Variants in UAP1 observed in about 807,000 individuals in gnomAD.
UAP1 encodes the protein UDP-N-acetylglucosamine pyrophosphorylase 1.
Under a neutral mutation model 58.5 loss-of-function variants are expected in UAP1, and 25 were observed. The observed-to-expected ratio is 0.43, with a 90% CI of 0.31 to 0.60. The LOEUF (loss-of-function observed/expected upper bound fraction) is 0.60, where lower values mean the gene tolerates loss of function less well. Ranked by LOEUF, UAP1 falls within the 20% of genes least tolerant of loss-of-function variation. The probability of loss-of-function intolerance (pLI) is 0.11; values close to 1 mark genes in which losing one functional copy is unlikely to be tolerated. For synonymous variants in UAP1, 208 were observed against 213.0 expected (o/e 0.98, Z 0.21); for missense variants, 575 against 630.0 (o/e 0.91, Z 0.93).
chr1:162,571,123 T>A (rs1571058741), intron 2 of UAP1, among the ~76,000 whole-genome samples: 1 of 151,864 alleles, frequency 6.6e-6, no homozygotes, highest in East Asian at 1.9e-4. Context: ...ACTTCTGATT[T>A]TTTTGTTTGT....
chr1:162,575,747 C>G lies in UAP1; in HGVS notation c.281-1030C>G, dbSNP rs532289550. Among the ~76,000 whole-genome samples the G allele has an allele frequency of 1.4e-3, 205 of 151,646 alleles. 1 individual carries two copies. Among genetic ancestry groups the G allele is most frequent in the African/African-American group, 4.9e-3 (204 of 41,254 alleles). On this transcript the variant is annotated intron_variant, in intron 2 of 10. Transcript: ENST00000271469. ...TTTGAGTCTCGCTCTGTCACCCAGG[C>G]TGGAGTGCAGTGGCGCGATCTCGGC...
At chr1:162,570,143 C>T (rs77925770) in intron 2 of UAP1, among the ~76,000 whole-genome samples, 13,077 of 143,914 alleles carry the variant, frequency 0.091, 803 homozygotes, top group East Asian at 0.27. Context: ...AGCGAGACTC[C>T]GTCTCAAAAA....
chr1:162,585,036 C>T (rs745564277), intron 5 of UAP1, among the ~76,000 whole-genome samples: 1 of 152,200 alleles, frequency 6.6e-6, no homozygotes, highest in South Asian at 2.1e-4. Flanking sequence ...CCTGCTCAGC[C>T]TCCCAAGTAG....
chr1:162,566,528 G>C (rs1392230839), intron 2 of UAP1, among the ~76,000 whole-genome samples, 180 bp downstream of exon 2: 1 of 151,884 alleles, frequency 6.6e-6, no homozygotes, highest in African/African-American at 2.4e-5. Context: ...TCTCATTCAA[G>C]TCTTAATTTG....
intron 6 of UAP1, 168 bp downstream of exon 6, chr1:162,587,836 A>G: frequency 1.5e-6 from 1 of 678,150 alleles, no homozygotes; most frequent in Non-Finnish European, 2.4e-6. Context: ...TTTTAGTAAG[A>G]TGTATTGTAA....
intron 2 of UAP1, among the ~76,000 whole-genome samples, chr1:162,576,508 A>G (rs185584500): frequency 6.2e-4 from 95 of 152,302 alleles, no homozygotes; most frequent in African/African-American, 2.3e-3. Context: ...CCACGATTCT[A>G]TGTAGATTCT....
rs1313354117 is a variant in UAP1, at chr1:162,597,695, C to A, written c.1410-97C>A. Reference sequence around the variant, plus strand: ...CCATTTGTTTAACTGGAAGAATTATCTGCAAGCTTCTCAGAGGAAAGTTAT... The same window carrying A: ...CCATTTGTTTAACTGGAAGAATTATATGCAAGCTTCTCAGAGGAAAGTTAT... On this transcript the variant is annotated intron_variant, in intron 9 of 10. Transcript: ENST00000271469. 7.5e-6 allele frequency: 7 copies of A among 927,372 alleles called. No homozygotes were observed. In the East Asian group the frequency reaches 1.7e-4, roughly 23 times the overall value. The allele number at this position is 927,372 out of a possible 1,614,324, so 57.4% of individuals were successfully genotyped here.
At chr1:162,576,696 G>A (rs1654203020) in intron 2 of UAP1, 81 bp from the exon 3 acceptor site, 1 of 1,328,126 alleles carries the variant, frequency 7.5e-7, no homozygotes, top group Non-Finnish European at 1.1e-6. Context: ...TTTTTGATGA[G>A]TCTTTGCTGC....
chr1:162,572,718 C>G (rs758084694), intron 2 of UAP1, among the ~76,000 whole-genome samples: 6 of 152,170 alleles, frequency 3.9e-5, no homozygotes, highest in Non-Finnish European at 7.4e-5. Context: ...ATGCAAGTGT[C>G]CAGACAGGAG....
At chr1:162,582,340 G>C (rs76577375) in intron 5 of UAP1, among the ~76,000 whole-genome samples, 4,527 of 152,220 alleles carry the variant, frequency 0.03, 104 homozygotes, top group Non-Finnish European at 0.044. Context: ...AGGGAGGAAA[G>C]GGGGCCGAAG....
intron 7 of UAP1, among the ~76,000 whole-genome samples, chr1:162,589,670 G>A (rs1022856913): frequency 5.3e-5 from 8 of 152,054 alleles, no homozygotes; most frequent in African/African-American, 1.9e-4. Flanking sequence ...AAATGAGAAA[G>A]ACAAATAAGC....
intron 1 of UAP1, 36 bp from the exon 2 acceptor site, chr1:162,565,976 G>T (rs1653462985): frequency 7.2e-7 from 1 of 1,382,174 alleles, no homozygotes; most frequent in African/African-American, 1.5e-5. Context: ...TTGGAGGTTG[G>T]ATTTTGACAT....
In UAP1 at chr1:162,597,878, T is replaced by C. The variant is rs776946984; in HGVS notation, c.1476+20T>C. On this transcript the variant is annotated intron_variant, in intron 10 of 10. Coordinates refer to ENST00000271469, the Ensembl canonical transcript of UAP1. ...GGAGAAGTAAGTCTGCTTTACTTTT[T>C]CCTCTATTCTTTTACAAAGCTTTGT... 1.3e-6 allele frequency: 2 copies of C among 1,593,692 alleles called. No individual in the cohort carries two copies. The highest frequency in any genetic ancestry group is 2.3e-5 in the South Asian group (2 of 88,754).
chr1:162,587,650 T>A (rs747913288), exon 6 of UAP1: 1 of 1,613,026 alleles, frequency 6.2e-7, no homozygotes, highest in Non-Finnish European at 8.5e-7. Flanking sequence ...ACTGTACCAT[T>A]TCTGAGAGAT....
At chr1:162,572,943 T>G (rs1200381622) in intron 2 of UAP1, among the ~76,000 whole-genome samples, 1 of 152,158 alleles carries the variant, frequency 6.6e-6, no homozygotes, top group Admixed American at 6.5e-5. Context: ...ACCCATGGGT[T>G]TAGGTAAGAG....
chr1:162,579,387 C>T (rs376493235), intron 3 of UAP1, 41 bp from the exon 4 acceptor site: 4 of 1,408,366 alleles, frequency 2.8e-6, no homozygotes, highest in South Asian at 3.7e-5. Context: ...CCCTAGTCCA[C>T]CTAGCACGGT....
At chr1:162,569,229 T>TA (rs1459378571) in intron 2 of UAP1, among the ~76,000 whole-genome samples, 1 of 152,218 alleles carries the variant, frequency 6.6e-6, no homozygotes, top group African/African-American at 2.4e-5. Flanking sequence ...AAGATCCTGG[T>TA]AATTGTATCA....
chr1:162,570,133 A>G (rs1046369187), intron 2 of UAP1, among the ~76,000 whole-genome samples: 29 of 150,954 alleles, frequency 1.9e-4, no homozygotes, highest in Non-Finnish European at 4.0e-4. Flanking sequence ...TGGTTGACAG[A>G]GCGAGACTCC....
At chr1:162,572,642 T>C (rs370619247) in intron 2 of UAP1, among the ~76,000 whole-genome samples, 4 of 152,356 alleles carry the variant, frequency 2.6e-5, no homozygotes, top group African/African-American at 9.6e-5. Flanking sequence ...GTGTCCAAAA[T>C]GTAGGTATTT....
Sources: gnomAD v4.1 joint callset for allele counts (sites outside exome capture counted in the v4.1 genomes callset) on GRCh38, gnomAD v4.1.1 for gene constraint, MANE v1.5 for transcripts, NCBI Gene and HGNC (gene_info 2026-07-23, HGNC 2026-07-21) for gene names.